Variants in CPS1 observed in about 807,000 individuals in gnomAD.
CPS1 encodes the protein carbamoyl-phosphate synthase [ammonia], mitochondrial.
A neutral mutation model predicts 174.6 loss-of-function variants in CPS1; 109 were observed. The ratio of observed to expected loss-of-function variants is 0.62; its 90% CI spans 0.53 to 0.73. CPS1 has a LOEUF of 0.73. Ranked by LOEUF, CPS1 falls within the 30% of genes least tolerant of loss-of-function variation. CPS1 has a pLI of 0.00. For missense variants in CPS1, 1,689 were observed against 1,821.9 expected, an observed-to-expected ratio of 0.93 and a Z score of 1.33; for synonymous variants, 637 against 632.0, an observed-to-expected ratio of 1.01 and a Z score of -0.12.
intron 1 of CPS1, among the ~76,000 whole-genome samples, chr2:210,571,539 C>T (rs1299884360): frequency 6.6e-6 from 1 of 151,832 alleles, no homozygotes; most frequent in Admixed American, 6.6e-5. Flanking sequence ...AAAACACTAA[C>T]ATAGTTTTGT....
At chr2:210,627,561 T>C (rs1699733344) in intron 21 of CPS1, among the ~76,000 whole-genome samples, 1 of 152,162 alleles carries the variant, frequency 6.6e-6, no homozygotes, top group African/African-American at 2.4e-5. Flanking sequence ...CATAAAGCCT[T>C]TGAGTCTGAC....
chr2:210,595,467 C>CT lies in CPS1; in HGVS notation c.1264-15dup, dbSNP rs1281660269. On this transcript the variant is annotated intron_variant, in intron 12 of 37. Coordinates refer to ENST00000233072, the MANE Select transcript of CPS1 (RefSeq NM_001875.5). ...CCCATTTTAGCAGTAATAACAGTGT[C>CT]TTTTTCTTATTGCTTATAGGTTTCC... 1 of 1,550,596 alleles carries CT rather than the reference C, an allele frequency of 6.4e-7. No homozygotes were observed. Among genetic ancestry groups the CT allele is most frequent in the Middle Eastern group, 1.7e-4 (1 of 5,952 alleles).
At chr2:210,615,602 A>C (rs1699280244) in intron 20 of CPS1, among the ~76,000 whole-genome samples, 1 of 151,844 alleles carries the variant, frequency 6.6e-6, no homozygotes, top group Non-Finnish European at 1.5e-5. Flanking sequence ...GTACACATAC[A>C]CACATACAAG....
chr2:210,663,994 C>G (rs1352098428), intron 33 of CPS1, among the ~76,000 whole-genome samples: 1 of 151,994 alleles, frequency 6.6e-6, no homozygotes, highest in African/African-American at 2.4e-5. Context: ...CAACAAAGTA[C>G]GTGATGTTTT....
chr2:210,674,048 A>G (rs1701416824), intron 34 of CPS1: 1 of 152,236 alleles, frequency 6.6e-6, no homozygotes, highest in Non-Finnish European at 1.5e-5. Context: ...TTCTTTAGCT[A>G]CAACTTTTTA....
chr2:210,627,837 T>G (rs2105882904), intron 21 of CPS1, among the ~76,000 whole-genome samples: 1 of 152,284 alleles, frequency 6.6e-6, no homozygotes, highest in African/African-American at 2.4e-5. Context: ...TCCTCCTGCT[T>G]CTTCTCTTCT....
intron 18 of CPS1, among the ~76,000 whole-genome samples, chr2:210,607,886 A>G (rs1698973622): frequency 6.6e-6 from 1 of 152,014 alleles, no homozygotes; most frequent in East Asian, 2.0e-4. Flanking sequence ...TTGGAGACAG[A>G]GCAAGGACCC....
intron 29 of CPS1, among the ~76,000 whole-genome samples, chr2:210,654,809 A>T (rs1045115355): frequency 6.6e-6 from 1 of 152,192 alleles, no homozygotes; most frequent in Non-Finnish European, 1.5e-5. Flanking sequence ...TCAAAACACT[A>T]CTGAAGATGT....
At chr2:210,631,618 A>G (rs1699874995) in intron 21 of CPS1, among the ~76,000 whole-genome samples, 1 of 152,220 alleles carries the variant, frequency 6.6e-6, no homozygotes, top group African/African-American at 2.4e-5. Flanking sequence ...GCTAAGTAGA[A>G]AGAAACTGAA....
intron 32 of CPS1, 110 bp downstream of exon 32, chr2:210,660,765 G>A: frequency 9.5e-7 from 1 of 1,048,924 alleles, no homozygotes. Context: ...TAAAGGGTTG[G>A]ACTAGGGATT....
At chr2:210,677,747 C>T (rs1484405026) in intron 37 of CPS1, 140 bp from the exon 38 acceptor site, 5 of 777,424 alleles carry the variant, frequency 6.4e-6, no homozygotes, top group Non-Finnish European at 1.2e-5. Context: ...AGAAAGTCTC[C>T]ATTACATAAA....
intron 1 of CPS1, among the ~76,000 whole-genome samples, chr2:210,515,371 A>G (rs1559057566): frequency 6.6e-6 from 1 of 151,534 alleles, no homozygotes; most frequent in East Asian, 1.9e-4. Context: ...TACTGATTCA[A>G]TTTTGGAACT....
rs754023105 is a variant in CPS1 at position 210,594,551 on chromosome 2, C to G, written c.1208C>G (p.Ala403Gly). ...SFFSLIKKGKATTITSVLPKP... is the reference protein window; with the variant it reads ...SFFSLIKKGKGTTITSVLPKP... ...TTCTCACTGATAAAGAAAGGAAAAG[C>G]TACCACCATTACATCAGTCTTACCG... The change falls in exon 12 of 38, where the codon GCT becomes GGT. Residue 403 changes from alanine to glycine, a missense_variant. By Grantham distance (60) the Ala-to-Gly change is moderately conservative (BLOSUM62 0). Transcript: ENST00000233072. 1.9e-6 allele frequency: 3 copies of G among 1,611,178 alleles called. No individual in the cohort carries two copies. The East Asian group carries it at 6.7e-5, about 36-fold the overall frequency.
At chr2:210,564,545 T>A (rs974152596) in intron 1 of CPS1, among the ~76,000 whole-genome samples, 7 of 152,030 alleles carry the variant, frequency 4.6e-5, no homozygotes, top group Non-Finnish European at 8.8e-5. Context: ...CTGGCTAATT[T>A]TTTTGTATTT....
chr2:210,506,637 T>A (rs1378213560), intron 1 of CPS1, among the ~76,000 whole-genome samples: 1 of 152,100 alleles, frequency 6.6e-6, no homozygotes, highest in Non-Finnish European at 1.5e-5. Context: ...GAAAAAAGAT[T>A]AGACAAATGG....
Position 210,599,383 on chromosome 2 carries a change from C to G in CPS1, c.1371C>G (p.Val457=), listed in dbSNP as rs1698623665. Residue 457 remains valine, a synonymous_variant, in exon 14 of 38, where the codon GTC becomes GTG. Coordinates refer to ENST00000233072, the MANE Select transcript of CPS1 (RefSeq NM_001875.5). The part of the protein sequence containing the change: ...QAVKAMKEEN[V]KTVLMNPNIA... ...TTTGTTTCTTTCAGGAAGAAAATGT[C>G]AAAACTGTTCTGATGAACCCAAACA... 3.1e-6 allele frequency: 5 copies of G among 1,612,158 alleles called. No individual in the cohort carries two copies. Among genetic ancestry groups the G allele is most frequent in the Non-Finnish European group, 4.2e-6 (5 of 1,178,830 alleles).
At chr2:210,675,396 G>T (rs1701492063) in intron 35 of CPS1, among the ~76,000 whole-genome samples, 1 of 152,098 alleles carries the variant, frequency 6.6e-6, no homozygotes, top group South Asian at 2.1e-4. Flanking sequence ...GGGATTTTTT[G>T]ACCTGCTAAC....
chr2:210,610,452 T>C (rs536462700), intron 19 of CPS1, among the ~76,000 whole-genome samples: 3 of 152,076 alleles, frequency 2.0e-5, no homozygotes, highest in Non-Finnish European at 4.4e-5. Flanking sequence ...ATACATTGTC[T>C]GCAGTTGGTA....
intron 1 of CPS1, among the ~76,000 whole-genome samples, chr2:210,512,148 A>G (rs528899543): frequency 6.6e-6 from 1 of 152,064 alleles, no homozygotes; most frequent in Non-Finnish European, 1.5e-5. Context: ...AGCCCGAAAC[A>G]TGGATGGTGA....
Sources: gnomAD v4.1 joint callset for allele counts (sites outside exome capture counted in the v4.1 genomes callset) on GRCh38, gnomAD v4.1.1 for gene constraint, MANE v1.5 for transcripts, NCBI Gene and HGNC (gene_info 2026-07-23, HGNC 2026-07-21) for gene names.